VPS39: variants seen among roughly 807,000 people sequenced by gnomAD.
VPS39 encodes vam6/Vps39-like protein.
VPS39 carries 70 observed loss-of-function variants against 121.0 expected under a neutral mutation model. That is an observed-to-expected ratio of 0.58 (90% CI 0.48 to 0.71). VPS39 has a LOEUF of 0.71. Ranked by LOEUF, VPS39 falls within the 30% of genes least tolerant of loss-of-function variation. The pLI is 0.00. For missense variants in VPS39, 818 were observed against 1,051.5 expected, an observed-to-expected ratio of 0.78 and a Z score of 3.07; for synonymous variants, 378 against 398.1, an observed-to-expected ratio of 0.95 and a Z score of 0.60.
intron 24 of VPS39, chr15:42,161,383 T>G (rs753143937): frequency 7.3e-5 from 34 of 467,090 alleles, no homozygotes; most frequent in Non-Finnish European, 1.3e-4. Context: ...AAGAACTTTC[T>G]GCAGACCTAC....
At position 42,166,213 on chromosome 15, in the gene VPS39, C is replaced by A. The variant is rs1168588539; in HGVS notation, c.1626G>T (p.Leu542Phe). The change falls in exon 16 of 25, where the codon TTG becomes TTT. Residue 542 changes from leucine (L) to phenylalanine (F), a missense_variant. Transcript: ENST00000318006. ...GCACCCACACTGAGTAGGAGAAAAT[C>A]AAATGCAGGTTTTCTGTGCCTAGAA... ...LQHLGTENLH[L>F]IFSYSVWVLR... The A allele has an allele frequency of 1.2e-6, 2 of 1,614,212 alleles. No individual in the cohort carries two copies. The highest frequency in any genetic ancestry group is 1.1e-5 in the South Asian group (1 of 91,080).
rs1041738971 is a variant in VPS39, at chr15:42,178,658, A to G, written c.719-88T>C. ...CAGCTGCCCATTCTAAGATACATTT[A>G]AATGGATCTCCAAAAAGTCCCCTAG... On this transcript the variant is annotated intron_variant, in intron 8 of 24. Transcript: ENST00000318006. The G allele has an allele frequency of 3.9e-6, 6 of 1,545,710 alleles. No individual in the cohort carries two copies. In the African/African-American group the frequency reaches 5.5e-5, roughly 14 times the overall value.
Position 42,208,058 on chromosome 15 carries a change from G to A in VPS39, c.73+23C>T, listed in dbSNP as rs373898807. On this transcript the variant is annotated intron_variant, in intron 1 of 24. Transcript: ENST00000318006. ...ACCGCTCCTGTGCTGACTCCGCCTC[G>A]GCCCCGCGGCCCCTCGGCTCACCCC... The A allele has an allele frequency of 7.7e-6, 12 of 1,564,774 alleles. No homozygotes were observed. The Admixed American group carries it at 2.3e-4, about 29-fold the overall frequency.
At position 42,168,693 on chromosome 15, in the gene VPS39, G is replaced by A. The variant is rs575346552; in HGVS notation, c.1233+1031C>T. Among the ~76,000 whole-genome samples, 7 of 152,206 alleles carry A rather than the reference G, an allele frequency of 4.6e-5. No individual in the cohort carries two copies. The East Asian group carries it at 9.7e-4, about 21-fold the overall frequency. ...TGAATAGCTGGGATTACAGGCGTGG[G>A]CCACCACACCCAGCTAATTTTTGTA... is the stretch of plus-strand genomic sequence containing the variant. On this transcript the variant is annotated intron_variant, in intron 12 of 24. Transcript: ENST00000318006.
At chr15:42,165,303 A>C in intron 17 of VPS39, 190 bp from the exon 18 acceptor site, 1 of 600,904 alleles carries the variant, frequency 1.7e-6, no homozygotes, top group Non-Finnish European at 3.0e-6. Flanking sequence ...TAACGTGAGG[A>C]GCCATCTTCT....
chr15:42,159,221 C>T lies in VPS39; in HGVS notation c.*1533G>A, dbSNP rs1299249295. ...GGCACTCACTGTCTCTTCAGGCCCC[C>T]ACGGACGGCATGCCTGGGGAAGCCT... On this transcript the variant is annotated 3_prime_UTR_variant, in exon 25 of 25. Transcript: ENST00000318006. The T allele has an allele frequency of 6.6e-6, 1 of 152,292 alleles. No homozygotes were observed. The highest frequency in any genetic ancestry group is 2.4e-5 in the African/African-American group (1 of 41,458). 9.4% of individuals were successfully genotyped at this position (152,292 alleles called of 1,614,324 possible).
At chr15:42,167,633 C>A in intron 12 of VPS39, 96 bp from the exon 13 acceptor site, 1 of 1,479,374 alleles carries the variant, frequency 6.8e-7, no homozygotes, top group Non-Finnish European at 9.1e-7. Flanking sequence ...TCAGCTCATG[C>A]CTATTGGCCT....
chr15:42,199,315 A>G (rs1243087310), intron 2 of VPS39, among the ~76,000 whole-genome samples: 4 of 152,114 alleles, frequency 2.6e-5, no homozygotes, highest in African/African-American at 4.8e-5. Context: ...TTTGATTAGA[A>G]CTTTAGTTTT....
At chr15:42,175,262 G>C (rs1357989991) in intron 10 of VPS39, among the ~76,000 whole-genome samples, 2 of 151,810 alleles carry the variant, frequency 1.3e-5, no homozygotes, top group Non-Finnish European at 2.9e-5. Context: ...CAAAAAATTA[G>C]CTGGGCGTGG....
intron 11 of VPS39, among the ~76,000 whole-genome samples, chr15:42,170,770 T>TTTTC: frequency 7.1e-6 from 1 of 141,288 alleles, no homozygotes; most frequent in Middle Eastern, 3.5e-3. Flanking sequence ...TTTTTTTTTT[T>TTTTC]GAGACAGGGT....
At chr15:42,175,525 T>C (rs1435265366) in intron 10 of VPS39, among the ~76,000 whole-genome samples, 1 of 152,176 alleles carries the variant, frequency 6.6e-6, no homozygotes, top group East Asian at 1.9e-4. Context: ...TGAGCTTTGC[T>C]TCTTCCTCAT....
Position 42,178,530 on chromosome 15 carries a change from A to G in VPS39, c.759T>C (p.Tyr253=), listed in dbSNP as rs1724888600. 6.2e-7 allele frequency: 1 copy of G among 1,614,200 alleles called. No homozygotes were observed. Among genetic ancestry groups the G allele is most frequent in the Non-Finnish European group, 8.5e-7 (1 of 1,180,046 alleles). ...PPYIIAVLPR[Y]VEIRTFEPRL... ...TCGGTTCAAATGTTCGGATCTCAAC[A>G]TATCGAGGCAACACTGCAATGATGT... is the stretch of plus-strand genomic sequence containing the variant. Residue 253 remains tyrosine, a synonymous_variant, in exon 9 of 25, where the codon TAT becomes TAC. Coordinates refer to ENST00000318006, the MANE Select transcript of VPS39 (RefSeq NM_015289.5).
chr15:42,163,201 C>G, intron 21 of VPS39, 149 bp downstream of exon 21: 1 of 922,184 alleles, frequency 1.1e-6, no homozygotes. Flanking sequence ...TGAATGGTCC[C>G]CTGCTGTCCC....
At chr15:42,186,148 T>A (rs564975338) in intron 7 of VPS39, among the ~76,000 whole-genome samples, 26 of 151,768 alleles carry the variant, frequency 1.7e-4, no homozygotes, top group African/African-American at 6.3e-4. Context: ...ATTAACAAGA[T>A]AACAATGGGG....
intron 1 of VPS39, among the ~76,000 whole-genome samples, chr15:42,207,319 C>T (rs1460090134): frequency 6.6e-6 from 1 of 152,178 alleles, no homozygotes; most frequent in Non-Finnish European, 1.5e-5. Flanking sequence ...TCTTTGGCGG[C>T]TGGTATCAAA....
intron 8 of VPS39, among the ~76,000 whole-genome samples, chr15:42,180,798 C>T (rs533725813): frequency 2.6e-4 from 39 of 152,108 alleles, no homozygotes; most frequent in African/African-American, 9.2e-4. Flanking sequence ...ATCAAGAATC[C>T]GTAAAGAACT....
intron 1 of VPS39, among the ~76,000 whole-genome samples, chr15:42,203,455 C>T (rs1429683314): frequency 1.4e-5 from 2 of 146,768 alleles, no homozygotes; most frequent in African/African-American, 2.6e-5. Flanking sequence ...GCCTGGGTGA[C>T]GGGGCAGGAC....
At chr15:42,187,980 C>G in intron 5 of VPS39, 124 bp from the exon 6 acceptor site, 1 of 863,260 alleles carries the variant, frequency 1.2e-6, no homozygotes, top group South Asian at 1.5e-5. Context: ...ACACAGTCAT[C>G]CTGCCAGGAA....
At chr15:42,178,154 G>C in intron 10 of VPS39, 64 bp downstream of exon 10, 1 of 1,603,986 alleles carries the variant, frequency 6.2e-7, no homozygotes, top group South Asian at 1.1e-5. Context: ...TATGAACATT[G>C]AAACCCAAAT....
Sources: gnomAD v4.1 joint callset for allele counts (sites outside exome capture counted in the v4.1 genomes callset) on GRCh38, gnomAD v4.1.1 for gene constraint, MANE v1.5 for transcripts, NCBI Gene and HGNC (gene_info 2026-07-23, HGNC 2026-07-21) for gene names.